Variants in C2CD5 observed in about 807,000 individuals in gnomAD.
The protein encoded by C2CD5 is C2 domain-containing protein 5.
A neutral mutation model predicts 130.3 loss-of-function variants in C2CD5; 109 were observed. That is an observed-to-expected ratio of 0.84 (90% CI 0.72 to 0.98). The LOEUF (loss-of-function observed/expected upper bound fraction) is 0.98. Ranked by LOEUF, C2CD5 falls within the 50% of genes least tolerant of loss-of-function variation. The pLI is 0.00. For synonymous variants in C2CD5, 454 were observed against 429.2 expected (o/e 1.06, Z -0.71); for missense variants, 996 against 1,261.8 (o/e 0.79, Z 3.19).
intron 26 of C2CD5, among the ~76,000 whole-genome samples, chr12:22,452,581 C>A: frequency 6.6e-6 from 1 of 152,124 alleles, no homozygotes; most frequent in Non-Finnish European, 1.5e-5. Flanking sequence ...CTCTAACGTG[C>A]CTTAGCCATT....
chr12:22,456,748 ATAAGGTTC>A (rs1177509137), intron 25 of C2CD5, among the ~76,000 whole-genome samples: 29 of 152,318 alleles, frequency 1.9e-4, no homozygotes, highest in African/African-American at 7.0e-4. Context: ...TTACTATATG[ATAAGGTTC>A]TAAGATTTCT....
intron 2 of C2CD5, among the ~76,000 whole-genome samples, chr12:22,536,791 T>C (rs1004728311): frequency 6.6e-5 from 10 of 152,172 alleles, no homozygotes; most frequent in Admixed American, 5.2e-4. Flanking sequence ...GTTTTCGAGT[T>C]ATATTTGAGT....
intron 5 of C2CD5, among the ~76,000 whole-genome samples, chr12:22,525,389 C>A (rs904000126): frequency 1.3e-5 from 2 of 152,144 alleles, no homozygotes; most frequent in African/African-American, 4.8e-5. Flanking sequence ...TGAAATGTCA[C>A]TGGATTTTTC....
intron 2 of C2CD5, among the ~76,000 whole-genome samples, chr12:22,539,621 C>A (rs1952153030): frequency 6.6e-6 from 1 of 152,126 alleles, no homozygotes; most frequent in East Asian, 1.9e-4. Context: ...TTCTTCAATG[C>A]AAGAGAGTTC....
intron 13 of C2CD5, 128 bp from the exon 14 acceptor site, chr12:22,482,871 A>C: frequency 1.5e-6 from 1 of 670,646 alleles, no homozygotes; most frequent in Non-Finnish European, 2.6e-6. Context: ...ACTGAGTTAT[A>C]TCAATAATCT....
chr12:22,468,135 T>C (rs923971153), intron 22 of C2CD5, among the ~76,000 whole-genome samples: 2 of 151,784 alleles, frequency 1.3e-5, no homozygotes, highest in Non-Finnish European at 2.9e-5. Context: ...TAGAAGTGAT[T>C]TGGAACTAAC....
intron 25 of C2CD5, among the ~76,000 whole-genome samples, chr12:22,456,599 T>G (rs1188085171): frequency 1.3e-5 from 2 of 152,194 alleles, no homozygotes; most frequent in Admixed American, 6.5e-5. Flanking sequence ...ATAAAGTATC[T>G]CCTTAGACAT....
chr12:22,536,996 T>C (rs1951880154), intron 2 of C2CD5, among the ~76,000 whole-genome samples: 1 of 152,218 alleles, frequency 6.6e-6, no homozygotes, highest in South Asian at 2.1e-4. Context: ...CTAAAGCTGC[T>C]TTATATGAAG....
chr12:22,531,288 A>C (rs1333035599), intron 3 of C2CD5, among the ~76,000 whole-genome samples: 1 of 152,244 alleles, frequency 6.6e-6, no homozygotes, highest in African/African-American at 2.4e-5. Flanking sequence ...GTACATATAC[A>C]CAAAAGAAAA....
Position 22,523,492 on chromosome 12 carries a change from A to T in C2CD5, c.734T>A (p.Leu245Gln). The T allele has an allele frequency of 6.2e-7, 1 of 1,614,130 alleles. No homozygotes were observed. The highest frequency in any genetic ancestry group is 8.5e-7 in the Non-Finnish European group (1 of 1,179,998). Residue 245 changes from leucine to glutamine, a missense_variant, in exon 7 of 27, where the codon CTG becomes CAG. Leu to Gln is a moderately radical substitution (Grantham distance 113). Coordinates refer to ENST00000446597, the MANE Select transcript of C2CD5 (RefSeq NM_001286176.2). ...VVRAIGTACTLDKLSSPAAFL... is the reference protein window; with the variant it reads ...VVRAIGTACTQDKLSSPAAFL... ...TGCTGCTGGGCTACTTAATTTATCC[A>T]GAGTACACGCCGTTCCTATGGCTCG... is the stretch of plus-strand genomic sequence containing the variant.
chr12:22,526,297 T>C (rs1437854407), intron 4 of C2CD5, among the ~76,000 whole-genome samples: 1 of 152,190 alleles, frequency 6.6e-6, no homozygotes, highest in African/African-American at 2.4e-5. Flanking sequence ...GGTGACAACA[T>C]TTGCTGAGCA....
intron 12 of C2CD5, among the ~76,000 whole-genome samples, chr12:22,485,977 A>G (rs934875297): frequency 3.3e-5 from 5 of 152,104 alleles, no homozygotes; most frequent in Non-Finnish European, 7.4e-5. Context: ...TAAGCATTAT[A>G]CGAGTCAAAT....
Position 22,458,538 on chromosome 12 carries a change from T to C in C2CD5, c.2632A>G (p.Ile878Val), listed in dbSNP as rs1163607241. The change falls in exon 24 of 27, where the codon ATA becomes GTA. Residue 878 changes from isoleucine to valine, a missense_variant. This residue lies in a region of C2CD5 where 590 missense variants were observed against 631.4 expected (regional missense o/e 0.93). Transcript: ENST00000446597. ...SSFADRCSSW[I>V]ELIKLKAQTI... The stretch of plus-strand genomic sequence containing the variant: ...TGAGCTTTCAGTTTAATGAGCTCTA[T>C]CCAGCTGCTGCATCTGTCTGCAAAG... 3 of 1,312,386 alleles carry C rather than the reference T, an allele frequency of 2.3e-6. No individual in the cohort carries two copies. The highest frequency in any genetic ancestry group is 2.9e-6 in the Non-Finnish European group (3 of 1,028,324). 81.3% of individuals were successfully genotyped at this position (1,312,386 alleles called of 1,614,324 possible).
intron 11 of C2CD5, among the ~76,000 whole-genome samples, chr12:22,492,805 T>C (rs916141264): frequency 6.6e-6 from 1 of 152,174 alleles, no homozygotes; most frequent in Non-Finnish European, 1.5e-5. Context: ...GGAGGCAGAA[T>C]GAGTTTATGG....
Position 22,484,767 on chromosome 12 carries a change from C to G in C2CD5, c.1480G>C (p.Val494Leu). Reference sequence around the variant, plus strand: ...GGGAGGTCTATAGTTGTAAACAGAACATCAGGAACTTTTTGTTTCCTGCAG... The same window carrying G: ...GGGAGGTCTATAGTTGTAAACAGAAGATCAGGAACTTTTTGTTTCCTGCAG... ...YNCRKQKVPD[V>L]LFTTIDLPTD... The change falls in exon 13 of 27, where the codon GTT (valine) becomes CTT (leucine). Residue 494 changes from valine to leucine, a missense_variant. Val to Leu is a conservative substitution (Grantham distance 32). Coordinates refer to ENST00000446597, the MANE Select transcript of C2CD5 (RefSeq NM_001286176.2). 1 of 1,610,106 alleles carries G rather than the reference C, an allele frequency of 6.2e-7. No homozygotes were observed. The highest frequency in any genetic ancestry group is 8.5e-7 in the Non-Finnish European group (1 of 1,177,906).
intron 3 of C2CD5, among the ~76,000 whole-genome samples, chr12:22,534,356 C>A (rs1406585087): frequency 6.6e-6 from 1 of 152,016 alleles, no homozygotes; most frequent in Non-Finnish European, 1.5e-5. Context: ...GATTTCACAC[C>A]AAAACAAAAA....
Position 22,482,625 on chromosome 12 carries a change from CT to C in C2CD5, c.1668del (p.Gly557GlufsTer2). ...CTTAGTCCAAACAAAGCATTCATTC[CT>C]TTGAGTTTTAGTTTATTCATTAGCT... ...HTQLMNKLKL[K>X]GMNALFGLRI... On this transcript the variant is annotated frameshift_variant, in exon 14 of 27. Coordinates refer to ENST00000446597, the MANE Select transcript of C2CD5 (RefSeq NM_001286176.2). LOFTEE classifies it high-confidence loss of function. 6.2e-7 allele frequency: 1 copy of C among 1,613,632 alleles called. No individual in the cohort carries two copies. Among genetic ancestry groups the C allele is most frequent in the Non-Finnish European group, 8.5e-7 (1 of 1,179,712 alleles).
chr12:22,473,855 C>T (rs986649075), intron 16 of C2CD5, among the ~76,000 whole-genome samples: 7 of 152,142 alleles, frequency 4.6e-5, no homozygotes, highest in African/African-American at 1.7e-4. Flanking sequence ...TTTTAACCTC[C>T]TTGACCTGAG....
intron 9 of C2CD5, chr12:22,512,774 A>AGTTTT: frequency 1.2e-6 from 1 of 811,592 alleles, no homozygotes; most frequent in Non-Finnish European, 1.9e-6. Context: ...AAATATAGCT[A>AGTTTT]AATCTCAAAC....
Sources: allele counts gnomAD v4.1 joint callset (sites outside exome capture counted in the v4.1 genomes callset), GRCh38; gene constraint gnomAD v4.1.1; regional missense constraint gnomAD v4.1.1; transcripts MANE v1.5; gene names NCBI Gene and HGNC (gene_info 2026-07-23, HGNC 2026-07-21).